SORCS3: variants seen among roughly 807,000 people sequenced by gnomAD.
SORCS3 encodes sortilin related VPS10 domain containing receptor 3, also known as VPS10 domain-containing receptor SorCS3.
In SORCS3, 57 loss-of-function variants were observed where a neutral mutation model predicts 146.3. The ratio of observed to expected loss-of-function variants is 0.39; its 90% confidence interval spans 0.31 to 0.49. SORCS3 has a LOEUF of 0.49. Ranked by LOEUF, SORCS3 falls within the 20% of genes least tolerant of loss-of-function variation. SORCS3 has a pLI of 0.92. For missense variants in SORCS3, 1,341 were observed against 1,575.5 expected, an observed-to-expected ratio of 0.85 and a Z score of 2.52; for synonymous variants, 653 against 618.5, an observed-to-expected ratio of 1.06 and a Z score of -0.83.
chr10:105,155,223 C>A (rs2056198307), intron 9 of SORCS3, among the ~76,000 whole-genome samples: 1 of 152,238 alleles, frequency 6.6e-6, no homozygotes, highest in East Asian at 1.9e-4. Flanking sequence ...AATTTGTTAA[C>A]CTGCTCACCT....
intron 4 of SORCS3, among the ~76,000 whole-genome samples, chr10:105,026,133 T>C (rs2055228291): frequency 1.3e-5 from 2 of 152,162 alleles, no homozygotes; most frequent in East Asian, 1.9e-4. Flanking sequence ...CTCAGAGCTA[T>C]CTGTGACTCC....
intron 4 of SORCS3, among the ~76,000 whole-genome samples, chr10:104,979,025 G>A (rs983904457): frequency 1.3e-5 from 2 of 151,994 alleles, no homozygotes; most frequent in Admixed American, 6.6e-5. Flanking sequence ...TCTCATCATC[G>A]TCAGATCTCA....
Position 104,641,775 on chromosome 10 carries a change from C to G in SORCS3, c.448C>G (p.Pro150Ala). 1 of 1,547,836 alleles carries G rather than the reference C, an allele frequency of 6.5e-7. No individual in the cohort carries two copies. Among genetic ancestry groups the G allele is most frequent in the South Asian group, 1.2e-5 (1 of 83,906 alleles). ...ACGCGGGGACGCCTGGGCCACTGCT[C>G]CGGCCGATGGTTCCAGAGGAAGCCG... ...QERGDAWATAPADGSRGSRPL... is the reference protein window; with the variant it reads ...QERGDAWATAAADGSRGSRPL... Residue 150 changes from proline (P) to alanine (A), a missense_variant, in exon 1 of 27, where the codon CCG (proline) becomes GCG (alanine). Pro to Ala is a conservative substitution (Grantham distance 27, BLOSUM62 -1). Coordinates refer to ENST00000369701, the MANE Select transcript of SORCS3 (RefSeq NM_014978.3). This position sits in a 1 kb window ranked among gnomAD's most constrained non-coding sequence, Gnocchi z 6.4.
At chr10:104,754,785 G>A (rs1292292520) in intron 1 of SORCS3, among the ~76,000 whole-genome samples, 1 of 152,194 alleles carries the variant, frequency 6.6e-6, no homozygotes, top group Non-Finnish European at 1.5e-5. Flanking sequence ...GCTAGGCTAC[G>A]CCCTGACCTC....
chr10:104,717,879 GC>G (rs1467894047), intron 1 of SORCS3, among the ~76,000 whole-genome samples: 1 of 152,112 alleles, frequency 6.6e-6, no homozygotes, highest in Non-Finnish European at 1.5e-5. Flanking sequence ...GGTGGCTCAC[GC>G]CTGTAATCCC....
intron 4 of SORCS3, among the ~76,000 whole-genome samples, chr10:105,008,690 C>T (rs139123941): frequency 0.026 from 3,980 of 152,222 alleles, 182 homozygotes; most frequent in African/African-American, 0.09. Flanking sequence ...TCTGTTGCCC[C>T]GGCTAGAGTG....
intron 1 of SORCS3, among the ~76,000 whole-genome samples, chr10:104,812,603 A>G (rs2017753058): frequency 6.6e-6 from 1 of 152,226 alleles, no homozygotes; most frequent in Admixed American, 6.5e-5. Flanking sequence ...AGTCACACAC[A>G]GGGATGGGGG....
At chr10:104,673,323 C>CT (rs1361519150) in intron 1 of SORCS3, among the ~76,000 whole-genome samples, 1 of 151,912 alleles carries the variant, frequency 6.6e-6, no homozygotes, top group Non-Finnish European at 1.5e-5. Context: ...TGCCTTACAG[C>CT]TTTTTTGCCC....
At chr10:105,125,679 C>CCACACACACACACA (rs71022752) in intron 7 of SORCS3, among the ~76,000 whole-genome samples, 3,606 of 144,362 alleles carry the variant, frequency 0.025, 82 homozygotes, top group South Asian at 0.058. Context: ...CACTGAATAT[C>CCACACACACACACA]CACACACACA....
intron 4 of SORCS3, among the ~76,000 whole-genome samples, chr10:105,014,772 G>A (rs563754510): frequency 1.4e-3 from 213 of 152,262 alleles, no homozygotes; most frequent in Middle Eastern, 6.8e-3. Context: ...GGTCATGAAT[G>A]TGATTAACAC....
At chr10:105,028,219 T>C (rs2055243476) in intron 4 of SORCS3, among the ~76,000 whole-genome samples, 1 of 152,232 alleles carries the variant, frequency 6.6e-6, no homozygotes, top group Non-Finnish European at 1.5e-5. Context: ...GTACCCTGTG[T>C]TTTCCCAGAT....
chr10:105,198,289 C>T (rs2056555180), intron 14 of SORCS3, among the ~76,000 whole-genome samples: 1 of 152,096 alleles, frequency 6.6e-6, no homozygotes, highest in Non-Finnish European at 1.5e-5. Flanking sequence ...ACTAGTAAGT[C>T]TTCCAATCAG....
intron 9 of SORCS3, among the ~76,000 whole-genome samples, chr10:105,152,320 AAAAC>A (rs1363545478): frequency 3.9e-5 from 6 of 152,264 alleles, no homozygotes; most frequent in South Asian, 2.1e-4. Context: ...TATAAAGTAA[AAAAC>A]AAACAGACAA....
chr10:105,252,801 C>A lies in SORCS3; in HGVS notation c.3132C>A (p.Ile1044=). 3 of 1,614,056 alleles carry A rather than the reference C, an allele frequency of 1.9e-6. No homozygotes were observed. Among genetic ancestry groups the A allele is most frequent in the Non-Finnish European group, 1.7e-6 (2 of 1,179,970 alleles). Residue 1044 remains isoleucine, a synonymous_variant, in exon 23 of 27, where the codon ATC becomes ATA. Coordinates refer to ENST00000369701, the MANE Select transcript of SORCS3 (RefSeq NM_014978.3). The part of the protein sequence containing the change: ...VKVTSVPEDQ[I]LIAVFPGLPT... ...TAACCAGTGTCCCAGAGGACCAGAT[C>A]CTCATTGCCGTGTTTCCTGGTCTCC... is the stretch of plus-strand genomic sequence containing the variant.
rs774974610 is a variant in SORCS3 at position 105,255,827 on chromosome 10, AT to A, written c.3337+27del. The A allele has an allele frequency of 4.1e-5, 63 of 1,530,822 alleles. No homozygotes were observed. The South Asian group carries it at 6.7e-4, about 16-fold the overall frequency. 94.8% of individuals were successfully genotyped at this position (1,530,822 alleles called of 1,614,324 possible). Reference sequence around the variant, plus strand: ...GTGAGTGCCACTGGGAACTGGGGAAATGGGAAAGAGGATCTGTTATCCCAGA... The same window carrying A: ...GTGAGTGCCACTGGGAACTGGGGAAAGGGAAAGAGGATCTGTTATCCCAGA... On this transcript the variant is annotated intron_variant, in intron 24 of 26. Coordinates refer to ENST00000369701, the MANE Select transcript of SORCS3 (RefSeq NM_014978.3).
chr10:105,257,542 A>G (rs2056938687), intron 25 of SORCS3, among the ~76,000 whole-genome samples: 1 of 152,210 alleles, frequency 6.6e-6, no homozygotes, highest in Non-Finnish European at 1.5e-5. Context: ...GAAACGTAAA[A>G]TTGAAATCAA....
chr10:105,161,077 C>T (rs2056257932), intron 11 of SORCS3, among the ~76,000 whole-genome samples: 2 of 152,290 alleles, frequency 1.3e-5, no homozygotes, highest in South Asian at 2.1e-4. Flanking sequence ...AGCAAACACA[C>T]AGACATTAAA....
At chr10:104,717,349 A>AAAAAGAAAG (rs1413171215) in intron 1 of SORCS3, among the ~76,000 whole-genome samples, 10 of 151,298 alleles carry the variant, frequency 6.6e-5, no homozygotes, top group Non-Finnish European at 1.5e-4. Context: ...GCAGTAAAAC[A>AAAAAGAAAG]AAAAGAAAGA....
intron 16 of SORCS3, 26 bp from the exon 17 acceptor site, chr10:105,211,111 C>G (rs2056630799): frequency 1.3e-6 from 2 of 1,516,816 alleles, no homozygotes; most frequent in South Asian, 2.2e-5. Flanking sequence ...ATATATACTA[C>G]TATGCAATAT....
Sources: gnomAD v4.1 joint callset for allele counts (sites outside exome capture counted in the v4.1 genomes callset) on GRCh38, gnomAD v4.1.1 for gene constraint, Gnocchi (gnomAD v3.1) non-coding constraint, MANE v1.5 for transcripts, NCBI Gene and HGNC (gene_info 2026-07-23, HGNC 2026-07-21) for gene names.